The following MCM2 variants were observed in gnomAD, a reference collection of about 807,000 sequenced individuals.
The protein encoded by MCM2 is DNA replication licensing factor MCM2.
A neutral mutation model predicts 86.4 loss-of-function variants in MCM2; 49 were observed. That is an observed-to-expected ratio of 0.57 (90% CI 0.45 to 0.72). The LOEUF (loss-of-function observed/expected upper bound fraction) is 0.72. Ranked by LOEUF, MCM2 falls within the 30% of genes least tolerant of loss-of-function variation. The pLI, the probability that MCM2 is intolerant of heterozygous loss-of-function variation, is 0.00. For synonymous variants in MCM2, 475 were observed against 484.6 expected (o/e 0.98, Z 0.26); for missense variants, 1,038 against 1,259.9 (o/e 0.82, Z 2.67).
intron 8 of MCM2, chr3:127,610,966 C>G (rs771335277): frequency 2.2e-6 from 1 of 456,592 alleles, no homozygotes; most frequent in Non-Finnish European, 4.4e-6. Context: ...CTCCTAGGGC[C>G]AAGTTGTAGG....
chr3:127,611,022 C>T (rs551489364), intron 8 of MCM2: 3 of 450,518 alleles, frequency 6.7e-6, no homozygotes, highest in South Asian at 3.1e-5. Context: ...CCTCAGAGCT[C>T]ATATTTTACT....
chr3:127,605,187 C>A, intron 4 of MCM2, 31 bp downstream of exon 4: 2 of 1,601,046 alleles, frequency 1.2e-6, no homozygotes, highest in African/African-American at 1.3e-5. Flanking sequence ...CGCCTCAGCC[C>A]CTGTAGCGCC....
chr3:127,614,754 T>C (rs1438194510), intron 8 of MCM2, among the ~76,000 whole-genome samples: 1 of 152,236 alleles, frequency 6.6e-6, no homozygotes, highest in African/African-American at 2.4e-5. Context: ...GTTTCCACGC[T>C]GCAGGTGTCA....
intron 13 of MCM2, among the ~76,000 whole-genome samples, chr3:127,619,535 C>T (rs1576420601): frequency 1.3e-5 from 2 of 151,756 alleles, no homozygotes; most frequent in Non-Finnish European, 2.9e-5. Context: ...AAAAATTAGC[C>T]GGGTGTGGTG....
rs1380573786 is a variant in MCM2, at chr3:127,618,634, C to T, written c.2014-393C>T. Among the ~76,000 whole-genome samples the T allele has an allele frequency of 2.6e-5, 4 of 152,162 alleles. No homozygotes were observed. The highest frequency in any genetic ancestry group is 4.8e-5 in the African/African-American group (2 of 41,420). On this transcript the variant is annotated intron_variant, in intron 12 of 15. Transcript: ENST00000265056. The surrounding 1 kb of genome is among the most constrained non-coding windows in gnomAD (Gnocchi z 4.0). Reference sequence around the variant, plus strand: ...GATTGTGCTCCTTGCTCCTGGCAGACGCTCTCCCACACTGTCACATGACTT... The same window carrying T: ...GATTGTGCTCCTTGCTCCTGGCAGATGCTCTCCCACACTGTCACATGACTT...
chr3:127,617,241 G>A lies in MCM2; in HGVS notation c.1774-38G>A, dbSNP rs1218622415. 12 of 1,613,240 alleles carry A rather than the reference G, an allele frequency of 7.4e-6. No individual in the cohort carries two copies. Among genetic ancestry groups the A allele is most frequent in the East Asian group, 2.2e-5 (1 of 44,868 alleles). On this transcript the variant is annotated intron_variant, in intron 10 of 15. Coordinates refer to ENST00000265056, the MANE Select transcript of MCM2 (RefSeq NM_004526.4). The surrounding 1 kb of genome is among the most constrained non-coding windows in gnomAD (Gnocchi z 4.1). ...TCATCGGAGACTTAGTAGTAGGGGC[G>A]TGAACCATGCTAAGGGTGGGCCATT...
chr3:127,602,812 G>C (rs924296649), intron 2 of MCM2, among the ~76,000 whole-genome samples: 1 of 152,196 alleles, frequency 6.6e-6, no homozygotes, highest in Non-Finnish European at 1.5e-5. Flanking sequence ...TCAGGTTGTT[G>C]AAGGCGGCAT....
In MCM2 at chr3:127,617,391, C is replaced by T; in HGVS notation, c.1886C>T (p.Ala629Val). The T allele has an allele frequency of 6.2e-7, 1 of 1,613,744 alleles. No individual in the cohort carries two copies. The highest frequency in any genetic ancestry group is 8.5e-7 in the Non-Finnish European group (1 of 1,179,858). The change falls in exon 11 of 16, where the codon GCC (alanine) becomes GTC (valine). Residue 629 changes from alanine to valine, a missense_variant. Ala to Val is a moderately conservative substitution (Grantham distance 64). Transcript: ENST00000265056. The surrounding 1 kb of genome is among the most constrained non-coding windows in gnomAD (Gnocchi z 4.1). ...SLQARCTVIA[A>V]ANPIGGRYDP... ...CAGGCTCGCTGCACGGTCATTGCTG[C>T]CGCCAACCCCATAGGTGCAGCAGGC...
Position 127,607,862 on chromosome 3 carries a change from G to A in MCM2, c.1102-520G>A, listed in dbSNP as rs548047931. Among the ~76,000 whole-genome samples the A allele has an allele frequency of 9.2e-5, 14 of 152,340 alleles. No homozygotes were observed. In the South Asian group the frequency reaches 2.9e-3, roughly 32 times the overall value. ...CACAGCTCAGGCATCTTGATCTAGA[G>A]CATGTGCTTTTAACTGCAGTGCCAT... is the stretch of plus-strand genomic sequence containing the variant. On this transcript the variant is annotated intron_variant, in intron 6 of 15. Transcript: ENST00000265056.
Position 127,621,148 on chromosome 3 carries a change from G to C in MCM2, c.2524G>C (p.Glu842Gln). ...CTTCATACTGAAGCAGTTAGTGGCA[G>C]AGCAGGTGACATATCAGCGCAACCG... Reference protein sequence around the residue: ...LLFILKQLVAEQVTYQRNRFG... With the variant: ...LLFILKQLVAQQVTYQRNRFG... The change falls in exon 15 of 16, where the codon GAG becomes CAG. Residue 842 changes from glutamate (E) to glutamine (Q), a missense_variant. Around this residue, in one of 4 missense-constraint regions of MCM2, gnomAD observed 336 missense variants for 425.7 expected, o/e 0.79. Coordinates refer to ENST00000265056, the MANE Select transcript of MCM2 (RefSeq NM_004526.4). 2.5e-6 allele frequency: 4 copies of C among 1,614,244 alleles called. No individual in the cohort carries two copies. The highest frequency in any genetic ancestry group is 1.3e-5 in the African/African-American group (1 of 75,062).
chr3:127,613,868 C>T (rs2074415936), intron 8 of MCM2, among the ~76,000 whole-genome samples: 1 of 152,152 alleles, frequency 6.6e-6, no homozygotes, highest in African/African-American at 2.4e-5. Context: ...TGGTGAGGGC[C>T]TTCTTGCCAT....
intron 1 of MCM2, 65 bp downstream of exon 1, chr3:127,598,537 G>A: frequency 6.3e-7 from 1 of 1,587,210 alleles, no homozygotes; most frequent in Non-Finnish European, 8.6e-7. Flanking sequence ...CGCGCTTCCC[G>A]TACTCTGGCC....
chr3:127,608,313 C>T (rs541453459), intron 6 of MCM2, 69 bp from the exon 7 acceptor site: 2 of 1,576,436 alleles, frequency 1.3e-6, no homozygotes, highest in East Asian at 4.5e-5. Flanking sequence ...GTTCTCCCTC[C>T]TGTTCGGGGG....
Position 127,599,327 on chromosome 3 carries a change from G to C in MCM2, c.16G>C (p.Glu6Gln). 5 of 1,614,118 alleles carry C rather than the reference G, an allele frequency of 3.1e-6. No homozygotes were observed. Among genetic ancestry groups the C allele is most frequent in the Non-Finnish European group, 4.2e-6 (5 of 1,180,004 alleles). Reference protein sequence around the residue: MAESSESFTMASSPAQ... With the variant: MAESSQSFTMASSPAQ... Reference sequence around the variant, plus strand: ...GCACCTTCTCTTGCAGGAATCATCGGAATCCTTCACCATGGCATCCAGCCC... The same window carrying C: ...GCACCTTCTCTTGCAGGAATCATCGCAATCCTTCACCATGGCATCCAGCCC... Residue 6 changes from glutamate (E) to glutamine (Q), a missense_variant, in exon 2 of 16, where the codon GAA becomes CAA. This residue lies in a region of MCM2 where 300 missense variants were observed against 307.4 expected (regional missense o/e 0.98). Coordinates refer to ENST00000265056, the MANE Select transcript of MCM2 (RefSeq NM_004526.4).
rs906378270 is a variant in MCM2 at position 127,599,150 on chromosome 3, T to TGA, written c.7-163_7-162dup. 4.5e-5 allele frequency: 30 copies of TGA among 671,104 alleles called. No homozygotes were observed. The African/African-American group carries it at 5.2e-4, about 12-fold the overall frequency. 41.6% of individuals were successfully genotyped at this position (671,104 alleles called of 1,614,324 possible). ...ATTGCTCAGCTGAGAGCATTCCAGGTGAGAGAACAGCAAGGGCAAAGATCT... is the reference window on the plus strand; with the variant it reads ...ATTGCTCAGCTGAGAGCATTCCAGGTGAGAGAGAACAGCAAGGGCAAAGATCT... On this transcript the variant is annotated intron_variant, in intron 1 of 15. Coordinates refer to ENST00000265056, the MANE Select transcript of MCM2 (RefSeq NM_004526.4).
chr3:127,608,724 G>A (rs2074369575), intron 7 of MCM2, 108 bp from the exon 8 acceptor site: 2 of 1,235,902 alleles, frequency 1.6e-6, no homozygotes, highest in Admixed American at 1.9e-5. Context: ...TACTTATCTT[G>A]GTGTCTGTAG....
In MCM2 at chr3:127,609,112, T is replaced by C; in HGVS notation, c.1428+89T>C. The C allele has an allele frequency of 6.6e-6, 9 of 1,369,602 alleles. 1 individual carries two copies. The highest frequency in any genetic ancestry group is 3.0e-6 in the Non-Finnish European group (3 of 986,822). 84.8% of individuals were successfully genotyped at this position (1,369,602 alleles called of 1,614,324 possible). ...GCTGTGGTAGGCACCTAGGGCTCACTGCTCAAACCTTGCCTTATTCCCCTG... is the reference window on the plus strand; with the variant it reads ...GCTGTGGTAGGCACCTAGGGCTCACCGCTCAAACCTTGCCTTATTCCCCTG... On this transcript the variant is annotated intron_variant, in intron 8 of 15. Transcript: ENST00000265056.
chr3:127,616,929 G>C lies in MCM2; in HGVS notation c.1584G>C (p.Ala528=). 6.2e-7 allele frequency: 1 copy of C among 1,614,172 alleles called. No homozygotes were observed. Among genetic ancestry groups the C allele is most frequent in the Non-Finnish European group, 8.5e-7 (1 of 1,180,042 alleles). ...TCTTGTGCGGAGACCCTGGCACAGC[G>C]AAGTCGCAGTTTCTCAAGTATATTG... ...NVLLCGDPGT[A]KSQFLKYIEK... is the part of the protein sequence containing the mutation. Residue 528 remains alanine, a synonymous_variant, in exon 10 of 16, where the codon GCG becomes GCC. Coordinates refer to ENST00000265056, the MANE Select transcript of MCM2 (RefSeq NM_004526.4).
rs17538495 is a variant in MCM2 at position 127,607,541 on chromosome 3, C to T, written c.1101+724C>T. 4.3e-3 allele frequency among the ~76,000 whole-genome samples: 662 copies of T among 152,332 alleles called. 2 individuals are homozygous for T. The highest frequency in any genetic ancestry group is 0.015 in the African/African-American group (629 of 41,572). On this transcript the variant is annotated intron_variant, in intron 6 of 15. Coordinates refer to ENST00000265056, the MANE Select transcript of MCM2 (RefSeq NM_004526.4). ...CCTACAGCCAAAAGCTGACCCGTCT[C>T]GTCTCGGGTGGGGCAGCTGCAGGCC...
Sources: gnomAD v4.1 joint callset for allele counts (sites outside exome capture counted in the v4.1 genomes callset) on GRCh38, gnomAD v4.1.1 for gene constraint, gnomAD v4.1.1 regional missense constraint, Gnocchi (gnomAD v3.1) non-coding constraint, MANE v1.5 for transcripts, NCBI Gene and HGNC (gene_info 2026-07-23, HGNC 2026-07-21) for gene names.